The following PSD3 variants were observed in gnomAD, a reference collection of about 807,000 sequenced individuals.
PSD3 encodes pleckstrin and Sec7 domain containing 3, also known as PH and SEC7 domain-containing protein 3.
PSD3 carries 49 observed loss-of-function variants against 105.5 expected under a neutral mutation model. The ratio of observed to expected loss-of-function variants is 0.46; its 90% CI spans 0.37 to 0.59. PSD3 has a LOEUF of 0.59. Ranked by LOEUF, PSD3 falls within the 20% of genes least tolerant of loss-of-function variation. PSD3 has a pLI of 0.00. For missense variants in PSD3, 1,561 were observed against 1,263.8 expected (o/e 1.24, Z -3.57); for synonymous variants, 557 against 457.8 (o/e 1.22, Z -2.77).
At chr8:19,015,100 G>A (rs997908796), upstream of PSD3, among the ~76,000 whole-genome samples, 10 of 152,168 alleles carry the variant, frequency 6.6e-5, no homozygotes, top group African/African-American at 2.4e-4. Context: ...AGGTGTGTGG[G>A]AGGAACCTTG....
intron 11 of PSD3, among the ~76,000 whole-genome samples, chr8:18,614,982 T>C (rs1461348952): frequency 6.6e-6 from 1 of 152,142 alleles, no homozygotes; most frequent in East Asian, 1.9e-4. Flanking sequence ...GCTGGAGAAC[T>C]TGCTGTTTTT....
intron 8 of PSD3, 117 bp downstream of exon 8, chr8:18,799,178 C>T (rs1810462892): frequency 1.2e-6 from 1 of 868,904 alleles, no homozygotes; most frequent in Non-Finnish European, 1.9e-6. Context: ...TATTCACCTG[C>T]CATGGGAACC....
chr8:18,959,931 T>C lies in PSD3; in HGVS notation c.22-23789A>G, dbSNP rs575733790. 3.9e-5 allele frequency among the ~76,000 whole-genome samples: 6 copies of C among 152,322 alleles called. No individual in the cohort carries two copies. The East Asian group carries it at 9.7e-4, about 25-fold the overall frequency. On this transcript the variant is annotated intron_variant, in intron 1 of 15. Transcript: ENST00000327040. ...ATTGTGGTCCCTCAGGCTGGAAACATGAGGCCAGGGAAATGTCACCTCCTT... is the reference window on the plus strand; with the variant it reads ...ATTGTGGTCCCTCAGGCTGGAAACACGAGGCCAGGGAAATGTCACCTCCTT...
intron 2 of PSD3, among the ~76,000 whole-genome samples, chr8:18,935,806 G>C (rs905248421): frequency 6.6e-6 from 1 of 152,100 alleles, no homozygotes; most frequent in Non-Finnish European, 1.5e-5. Context: ...ATCAGAAGCT[G>C]AGAATTCTTC....
intron 11 of PSD3, among the ~76,000 whole-genome samples, chr8:18,619,797 G>A (rs1017116044): frequency 6.6e-6 from 1 of 152,182 alleles, no homozygotes; most frequent in African/African-American, 2.4e-5. Flanking sequence ...CATGACAGCA[G>A]ACCCTGAAAG....
At chr8:18,727,777 T>A (rs1048555803) in intron 9 of PSD3, among the ~76,000 whole-genome samples, 2 of 152,128 alleles carry the variant, frequency 1.3e-5, no homozygotes, top group Non-Finnish European at 2.9e-5. Flanking sequence ...TACTTCCCTA[T>A]TACCCACCTA....
intron 2 of PSD3, among the ~76,000 whole-genome samples, chr8:18,898,070 A>G (rs1819268987): frequency 6.6e-6 from 1 of 152,158 alleles, no homozygotes; most frequent in African/African-American, 2.4e-5. Flanking sequence ...GTTTTCTCAT[A>G]TACGGCTTTG....
At chr8:18,825,791 C>T (rs969934913) in intron 4 of PSD3, among the ~76,000 whole-genome samples, 4 of 152,240 alleles carry the variant, frequency 2.6e-5, no homozygotes, top group African/African-American at 9.6e-5. Flanking sequence ...AAAATCAGCA[C>T]ATCCCACAGG....
chr8:18,595,638 T>C (rs893529702), intron 12 of PSD3, among the ~76,000 whole-genome samples: 1 of 152,084 alleles, frequency 6.6e-6, no homozygotes, highest in Non-Finnish European at 1.5e-5. Context: ...GCCATACTTA[T>C]ATTATACAAA....
chr8:18,808,679 A>G (rs1811412931), intron 4 of PSD3: 1 of 1,574,686 alleles, frequency 6.4e-7, no homozygotes, highest in Non-Finnish European at 8.7e-7. Flanking sequence ...ACAGTTTAGG[A>G]GATTATTTGA....
chr8:18,808,632 T>C (rs550997711), intron 4 of PSD3: 28 of 1,288,242 alleles, frequency 2.2e-5, no homozygotes, highest in Non-Finnish European at 2.8e-5. Context: ...GCACAAAGGA[T>C]AAATATGTCC....
intron 1 of PSD3, among the ~76,000 whole-genome samples, chr8:18,964,306 T>C (rs1824112280): frequency 1.3e-5 from 2 of 152,110 alleles, no homozygotes; most frequent in South Asian, 2.1e-4. Context: ...CTTTTTTTTG[T>C]AGAGGTGGAG....
At position 19,076,013 on chromosome 8, in the gene PSD3, G is replaced by A. The variant is rs191930411; in HGVS notation, c.324+8193C>T. Among the ~76,000 whole-genome samples, 46 of 152,212 alleles carry A rather than the reference G, an allele frequency of 3.0e-4. No homozygotes were observed. The East Asian group carries it at 7.2e-3, about 24-fold the overall frequency. On this transcript the variant is annotated intron_variant, in intron 1 of 1. Coordinates refer to the PSD3 transcript ENST00000521475. ...GAGCTTCACAGGCTACGAACACAAG[G>A]CAACCTAATAAATGAAAAAAAGGCA...
At chr8:18,602,388 A>G (rs1804501246) in intron 11 of PSD3, among the ~76,000 whole-genome samples, 1 of 152,114 alleles carries the variant, frequency 6.6e-6, no homozygotes, top group Admixed American at 6.5e-5. Context: ...TCAGTTACTT[A>G]GTAACTGACT....
chr8:18,929,956 TAGAA>T (rs1821628923), intron 2 of PSD3, among the ~76,000 whole-genome samples: 1 of 152,144 alleles, frequency 6.6e-6, no homozygotes, highest in African/African-American at 2.4e-5. Flanking sequence ...AAAATGTTGT[TAGAA>T]AGAGTGGAAG....
intron 12 of PSD3, among the ~76,000 whole-genome samples, chr8:18,595,306 A>G (rs1164233866): frequency 4.6e-5 from 7 of 151,630 alleles, no homozygotes; most frequent in African/African-American, 1.5e-4. Flanking sequence ...AGGAATACTA[A>G]TAAGAGTGAA....
chr8:18,594,287 TATATTA>T (rs1803893486), intron 12 of PSD3, among the ~76,000 whole-genome samples: 1 of 15,082 alleles, frequency 6.6e-5, no homozygotes, highest in Non-Finnish European at 1.4e-4. Flanking sequence ...TTATATAATA[TATATTA>T]TATATAATAA....
intron 1 of PSD3, among the ~76,000 whole-genome samples, chr8:19,059,351 A>T (rs941130789): frequency 6.6e-6 from 1 of 151,976 alleles, no homozygotes; most frequent in African/African-American, 2.4e-5. Context: ...CTCTGTTGCT[A>T]CTTCTGCGGA....
chr8:18,860,410 AC>A (rs1816347826), intron 4 of PSD3, among the ~76,000 whole-genome samples: 1 of 152,052 alleles, frequency 6.6e-6, no homozygotes. Flanking sequence ...GAAACATGGC[AC>A]CAACAGACTT....
Sources: allele counts gnomAD v4.1 joint callset (sites outside exome capture counted in the v4.1 genomes callset), GRCh38; gene constraint gnomAD v4.1.1; transcripts MANE v1.5; gene names NCBI Gene and HGNC (gene_info 2026-07-23, HGNC 2026-07-21).